Variants in UBAP1L observed in about 807,000 individuals in gnomAD.
UBAP1L encodes ubiquitin associated protein 1 like.
A neutral mutation model predicts 32.1 loss-of-function variants in UBAP1L; 32 were observed. The observed-to-expected ratio is 1.00, with a 90% confidence interval of 0.75 to 1.34. UBAP1L has a LOEUF of 1.34. Among genes scored for constraint, UBAP1L ranks in the 40% most tolerant of loss-of-function variants. UBAP1L has a pLI of 0.00. For synonymous variants in UBAP1L, 243 were observed against 250.2 expected, an observed-to-expected ratio of 0.97 and a Z score of 0.27; for missense variants, 516 against 540.5, an observed-to-expected ratio of 0.95 and a Z score of 0.45.
chr15:65,101,083 G>C (rs776556290), intron 3 of UBAP1L: 13 of 152,224 alleles, frequency 8.5e-5, no homozygotes, highest in Non-Finnish European at 1.5e-4. Context: ...GTAGAGAAGG[G>C]GTGGTTCAGT....
Position 65,094,262 on chromosome 15 carries a change from C to G in UBAP1L, c.1011+213G>C, listed in dbSNP as rs1213590590. 6.6e-6 allele frequency among the ~76,000 whole-genome samples: 1 copy of G among 152,182 alleles called. No individual in the cohort carries two copies. The highest frequency in any genetic ancestry group is 1.5e-5 in the Non-Finnish European group (1 of 68,026). ...GCCTCCTGTCCCCGTCCCACCTCTT[C>G]CTGATCTCCCTCTGTGCCTCTCACC... is the stretch of plus-strand genomic sequence containing the variant. On this transcript the variant is annotated intron_variant, in intron 5 of 5. Transcript: ENST00000559089. The surrounding 1 kb of genome is among the most constrained non-coding windows in gnomAD (Gnocchi z 4.2).
chr15:65,093,592 T>C (rs995198714), intron 5 of UBAP1L, among the ~76,000 whole-genome samples: 4 of 152,192 alleles, frequency 2.6e-5, no homozygotes, highest in African/African-American at 9.6e-5. Context: ...CCCTGAACAC[T>C]GTGGAGGTAT....
At chr15:65,113,988 T>C (rs1052917764) in intron 1 of UBAP1L, among the ~76,000 whole-genome samples, 4 of 151,896 alleles carry the variant, frequency 2.6e-5, no homozygotes, top group African/African-American at 9.7e-5. Context: ...CCAGGTTCAA[T>C]AGATTCTCCT....
intron 5 of UBAP1L, among the ~76,000 whole-genome samples, chr15:65,093,784 C>T (rs1223406545): frequency 6.6e-6 from 1 of 152,214 alleles, no homozygotes; most frequent in Non-Finnish European, 1.5e-5. Context: ...TGGCTCACGC[C>T]TGTAATCCCA....
intron 1 of UBAP1L, among the ~76,000 whole-genome samples, chr15:65,112,047 A>G (rs976095435): frequency 6.6e-6 from 1 of 152,230 alleles, no homozygotes; most frequent in African/African-American, 2.4e-5. Context: ...CTCACTAGGT[A>G]CAACATGAGA....
At chr15:65,109,859 C>T (rs889105686) in intron 1 of UBAP1L, among the ~76,000 whole-genome samples, 1 of 152,218 alleles carries the variant, frequency 6.6e-6, no homozygotes, top group African/African-American at 2.4e-5. Context: ...CTATAACTCT[C>T]ATTCACTGTT....
chr15:65,106,393 A>G lies in UBAP1L; in HGVS notation c.-173-5T>C. On this transcript the variant is annotated splice_polypyrimidine_tract_variant and splice_region_variant and intron_variant, in intron 1 of 5. Coordinates refer to ENST00000559089, the MANE Select transcript of UBAP1L (RefSeq NM_001163692.2). ...GAAAAGGTGAGGGGGCCAGTGCTGC[A>G]TAAAGGAAGGAAATGAATAAAAACA... The G allele has an allele frequency of 1.7e-6, 1 of 592,750 alleles. No homozygotes were observed. The highest frequency in any genetic ancestry group is 2.7e-6 in the Non-Finnish European group (1 of 368,100). 36.7% of individuals were successfully genotyped at this position (592,750 alleles called of 1,614,324 possible).
chr15:65,113,237 C>G (rs2087380574), intron 1 of UBAP1L, among the ~76,000 whole-genome samples: 1 of 152,104 alleles, frequency 6.6e-6, no homozygotes, highest in African/African-American at 2.4e-5. Context: ...CTAAGGCACT[C>G]TCCTACTTAA....
Position 65,094,721 on chromosome 15 carries a change from T to G in UBAP1L, c.910-145A>C. The G allele has an allele frequency of 1.5e-6, 1 of 678,360 alleles. No individual in the cohort carries two copies. Among genetic ancestry groups the G allele is most frequent in the Non-Finnish European group, 2.6e-6 (1 of 377,710 alleles). The allele number at this position is 678,360 out of a possible 1,614,324, so 42.0% of individuals were successfully genotyped here. A position where few individuals can be genotyped will look rare whatever the true frequency, so the allele number is the denominator to read the frequency against. On this transcript the variant is annotated intron_variant, in intron 4 of 5. Coordinates refer to ENST00000559089, the MANE Select transcript of UBAP1L (RefSeq NM_001163692.2). This position sits in a 1 kb window ranked among gnomAD's most constrained non-coding sequence, Gnocchi z 4.2. ...CTGCAGCGTGGCCCCAGAGAGCCCG[T>G]GAACCCACAGAAGGGGGATAGAGGC... is the stretch of plus-strand genomic sequence containing the variant.
At chr15:65,098,913 C>T (rs542071543) in intron 4 of UBAP1L, 12 of 152,438 alleles carry the variant, frequency 7.9e-5, no homozygotes, top group African/African-American at 2.9e-4. Flanking sequence ...CATACCACTT[C>T]TTCTCCCAGG....
intron 4 of UBAP1L, 54 bp downstream of exon 4, chr15:65,099,451 C>T (rs2087214021): frequency 2.0e-6 from 3 of 1,520,350 alleles, no homozygotes; most frequent in Admixed American, 4.0e-5. Flanking sequence ...AATCATGTGG[C>T]CACTCACCTG....
At chr15:65,112,175 G>T (rs2087373326) in intron 1 of UBAP1L, among the ~76,000 whole-genome samples, 1 of 152,206 alleles carries the variant, frequency 6.6e-6, no homozygotes, top group Non-Finnish European at 1.5e-5. Flanking sequence ...GAAGGTGAAA[G>T]AACAGCCTGT....
chr15:65,107,842 G>A (rs375515222), intron 1 of UBAP1L, among the ~76,000 whole-genome samples: 3 of 151,980 alleles, frequency 2.0e-5, no homozygotes, highest in South Asian at 2.1e-4. Context: ...ACCGCTACAC[G>A]GAAAACTATA....
chr15:65,103,886 A>T (rs1566967488), intron 2 of UBAP1L, among the ~76,000 whole-genome samples: 1 of 152,186 alleles, frequency 6.6e-6, no homozygotes. Context: ...CAGAGGGATT[A>T]AAAAAATACC....
intron 4 of UBAP1L, chr15:65,095,301 G>A (rs975900490): frequency 6.6e-6 from 1 of 152,510 alleles, no homozygotes; most frequent in Non-Finnish European, 1.5e-5. Context: ...CCTGTCCCTG[G>A]GAAGCTTCCT....
At chr15:65,095,413 C>A (rs1267379949) in intron 4 of UBAP1L, 1 of 152,278 alleles carries the variant, frequency 6.6e-6, no homozygotes, top group Non-Finnish European at 1.5e-5. Context: ...CTCAATCTTT[C>A]TCATCCACGA....
chr15:65,102,429 T>C lies in UBAP1L; in HGVS notation c.376A>G (p.Ser126Gly). Residue 126 changes from serine (S) to glycine (G), a missense_variant, in exon 3 of 6, where the codon AGC (serine) becomes GGC (glycine). Transcript: ENST00000559089. This position sits in a 1 kb window ranked among gnomAD's most constrained non-coding sequence, Gnocchi z 5.0. ...SSGSEEEPAP[S>G]SLQPGSPASP... ...GCCGGGGAGCCCGGTTGGAGGCTGC[T>C]GGGGGCCGGCTCTTCCTCGCTGCCA... 1 of 1,425,962 alleles carries C rather than the reference T, an allele frequency of 7.0e-7. No homozygotes were observed. The highest frequency in any genetic ancestry group is 1.5e-5 in the South Asian group (1 of 66,566). 88.3% of individuals were successfully genotyped at this position (1,425,962 alleles called of 1,614,324 possible). A position where few individuals can be genotyped will look rare whatever the true frequency, so the allele number is the denominator to read the frequency against.
chr15:65,106,281 T>A lies in UBAP1L; in HGVS notation c.-66A>T. On this transcript the variant is annotated 5_prime_UTR_variant, in exon 2 of 6. Coordinates refer to ENST00000559089, the MANE Select transcript of UBAP1L (RefSeq NM_001163692.2). ...GCTGCTTGATGGCAGGGAGAGAGAG[T>A]CGAGTCCTGAGGACCAGGCTCAGGC... 5 of 1,479,452 alleles carry A rather than the reference T, an allele frequency of 3.4e-6. No homozygotes were observed. The highest frequency in any genetic ancestry group is 4.5e-6 in the Non-Finnish European group (5 of 1,113,684). The allele number at this position is 1,479,452 out of a possible 1,614,324, so 91.6% of individuals were successfully genotyped here.
chr15:65,094,387 G>C lies in UBAP1L; in HGVS notation c.1011+88C>G. 1.1e-6 allele frequency: 1 copy of C among 898,238 alleles called. No homozygotes were observed. 55.6% of individuals were successfully genotyped at this position (898,238 alleles called of 1,614,324 possible). A position where few individuals can be genotyped will look rare whatever the true frequency, so the allele number is the denominator to read the frequency against. Reference sequence around the variant, plus strand: ...CAGGCTGGACCCACAGACTGGCTCTGAGGACTGGTGTGGCCCTGCACACCG... The same window carrying C: ...CAGGCTGGACCCACAGACTGGCTCTCAGGACTGGTGTGGCCCTGCACACCG... On this transcript the variant is annotated intron_variant, in intron 5 of 5. Coordinates refer to ENST00000559089, the MANE Select transcript of UBAP1L (RefSeq NM_001163692.2). The surrounding 1 kb of genome is among the most constrained non-coding windows in gnomAD (Gnocchi z 4.2).
Sources: allele counts gnomAD v4.1 joint callset (sites outside exome capture counted in the v4.1 genomes callset), GRCh38; gene constraint gnomAD v4.1.1; non-coding constraint Gnocchi (gnomAD v3.1); transcripts MANE v1.5; gene names NCBI Gene and HGNC (gene_info 2026-07-23, HGNC 2026-07-21).